The following COL26A1 variants were observed in gnomAD, a reference collection of about 807,000 sequenced individuals.
COL26A1 encodes collagen alpha-1(XXVI) chain.
Under a neutral mutation model 59.3 loss-of-function variants are expected in COL26A1, and 41 were observed. The ratio of observed to expected loss-of-function variants is 0.69; its 90% confidence interval spans 0.54 to 0.90. The LOEUF (loss-of-function observed/expected upper bound fraction) is 0.90, where lower values mean the gene tolerates loss of function less well. Among genes scored for constraint, COL26A1 ranks in the 40% least tolerant of loss-of-function variants. The pLI is 0.00. For missense variants in COL26A1, 612 were observed against 602.3 expected, an observed-to-expected ratio of 1.02 and a Z score of -0.17; for synonymous variants, 266 against 256.0, an observed-to-expected ratio of 1.04 and a Z score of -0.37.
chr7:101,371,820 C>T (rs968509117), intron 1 of COL26A1, among the ~76,000 whole-genome samples: 15 of 152,022 alleles, frequency 9.9e-5, no homozygotes, highest in African/African-American at 3.4e-4. Flanking sequence ...CAGACCCAGC[C>T]TCCGTCCTTG....
At position 101,547,205 on chromosome 7, in the gene COL26A1, T is replaced by C; in HGVS notation, c.906T>C (p.Gly302=). ...CCATCGTGGACACAGTGCTGGCAGGTGTCCCAGGACCCCGGGGTCCCCCTG... is the reference window on the plus strand; with the variant it reads ...CCATCGTGGACACAGTGCTGGCAGGCGTCCCAGGACCCCGGGGTCCCCCTG... ...ASAIVDTVLA[G]VPGPRGPPGP... is the part of the protein sequence containing the mutation. The change falls in exon 8 of 13, where the codon GGT becomes GGC. Residue 302 remains glycine, a synonymous_variant. Transcript: ENST00000313669. 6.3e-7 allele frequency: 1 copy of C among 1,583,342 alleles called. No individual in the cohort carries two copies. The highest frequency in any genetic ancestry group is 8.6e-7 in the Non-Finnish European group (1 of 1,167,600).
intron 3 of COL26A1, among the ~76,000 whole-genome samples, chr7:101,473,118 C>T (rs146344364): frequency 0.016 from 2,457 of 150,900 alleles, 63 homozygotes; most frequent in African/African-American, 0.057. Context: ...CTCACTCTGT[C>T]GCCCAGGCTG....
chr7:101,545,454 G>T lies in COL26A1; in HGVS notation c.820G>T (p.Ala274Ser). 1.2e-6 allele frequency: 2 copies of T among 1,608,212 alleles called. No individual in the cohort carries two copies. Among genetic ancestry groups the T allele is most frequent in the East Asian group, 2.3e-5 (1 of 44,404 alleles). Residue 274 changes from alanine (A) to serine (S), a missense_variant, in exon 7 of 13, where the codon GCC becomes TCC. Ala to Ser is a moderately conservative substitution (Grantham distance 99, BLOSUM62 1). Transcript: ENST00000313669. Reference protein sequence around the residue: ...PGPSPNSPQGALYSLQPPTDK... With the variant: ...PGPSPNSPQGSLYSLQPPTDK... ...CCCCTCACCAAACAGCCCCCAGGGC[G>T]CCCTCTACTCCCTGCAGCCGCCTAC... is the stretch of plus-strand genomic sequence containing the variant.
At chr7:101,398,637 A>G (rs1284429474) in intron 1 of COL26A1, among the ~76,000 whole-genome samples, 1 of 152,098 alleles carries the variant, frequency 6.6e-6, no homozygotes, top group African/African-American at 2.4e-5. Flanking sequence ...CGTGAGCCAG[A>G]CTTTGCACCA....
intron 9 of COL26A1, 74 bp from the exon 10 acceptor site, chr7:101,551,034 G>T (rs182835558): frequency 2.0e-5 from 29 of 1,450,190 alleles, no homozygotes; most frequent in African/African-American, 1.8e-4. Flanking sequence ...TGGGCGGGGA[G>T]GGGGGTGGCC....
intron 3 of COL26A1, among the ~76,000 whole-genome samples, chr7:101,462,603 C>G (rs1292770782): frequency 1.3e-5 from 2 of 152,212 alleles, no homozygotes; most frequent in African/African-American, 4.8e-5. Context: ...AGGCGTGAGC[C>G]ACCGTGCCCG....
At chr7:101,395,787 G>T (rs1257409679) in intron 1 of COL26A1, among the ~76,000 whole-genome samples, 1 of 152,152 alleles carries the variant, frequency 6.6e-6, no homozygotes, top group East Asian at 1.9e-4. Context: ...TTTAATCACC[G>T]CTGAAAACAA....
intron 3 of COL26A1, among the ~76,000 whole-genome samples, 156 bp downstream of exon 3, chr7:101,447,943 G>A (rs547979995): frequency 2.6e-5 from 4 of 152,304 alleles, no homozygotes; most frequent in African/African-American, 4.8e-5. Flanking sequence ...GTTCTGTATC[G>A]GCCTGGCCAA....
chr7:101,506,928 C>CTT (rs370429365), intron 3 of COL26A1, among the ~76,000 whole-genome samples: 31 of 149,220 alleles, frequency 2.1e-4, no homozygotes, highest in African/African-American at 5.7e-4. Flanking sequence ...AGAACCACTC[C>CTT]TTTTTTTTTT....
intron 1 of COL26A1, among the ~76,000 whole-genome samples, chr7:101,363,615 T>TGCGGGGCC (rs1790962662): frequency 7.7e-6 from 1 of 129,066 alleles, no homozygotes; most frequent in Non-Finnish European, 1.7e-5. Flanking sequence ...GCCGCGGGGC[T>TGCGGGGCC]GCGGGGCTGC....
At chr7:101,531,812 A>G (rs368967162) in intron 3 of COL26A1, among the ~76,000 whole-genome samples, 3 of 151,002 alleles carry the variant, frequency 2.0e-5, no homozygotes, top group African/African-American at 7.3e-5. Flanking sequence ...TTTCAAGGTG[A>G]TTTGCGTTCG....
intron 1 of COL26A1, among the ~76,000 whole-genome samples, chr7:101,376,196 C>T (rs983479497): frequency 9.3e-5 from 14 of 151,062 alleles, no homozygotes; most frequent in Non-Finnish European, 1.3e-4. Flanking sequence ...CTTATAGTCC[C>T]AGCTACCTGG....
At chr7:101,538,202 T>C (rs1795523606) in intron 4 of COL26A1, among the ~76,000 whole-genome samples, 1 of 152,130 alleles carries the variant, frequency 6.6e-6, no homozygotes, top group South Asian at 2.1e-4. Flanking sequence ...CTGTGGCCCG[T>C]CAGCTTCTTC....
At chr7:101,440,251 AGCTACTCAGGAGGCTG>A (rs1793020616) in intron 2 of COL26A1, among the ~76,000 whole-genome samples, 1 of 151,942 alleles carries the variant, frequency 6.6e-6, no homozygotes, top group Non-Finnish European at 1.5e-5. Flanking sequence ...CTGTAATCCC[AGCTACTCAGGAGGCTG>A]AGGCAGGAGA....
intron 2 of COL26A1, among the ~76,000 whole-genome samples, chr7:101,446,864 AGAGAG>A (rs1162297434): frequency 2.1e-4 from 30 of 140,040 alleles, no homozygotes; most frequent in Non-Finnish European, 3.3e-4. Flanking sequence ...AAAAAAAAAA[AGAGAG>A]AGAGAGAGAA....
Position 101,540,000 on chromosome 7 carries a change from C to A in COL26A1, c.555C>A (p.Ile185=), listed in dbSNP as rs1795576961. 1 of 1,613,636 alleles carries A rather than the reference C, an allele frequency of 6.2e-7. No individual in the cohort carries two copies. The highest frequency in any genetic ancestry group is 1.1e-5 in the South Asian group (1 of 91,054). Residue 185 remains isoleucine (I), a synonymous_variant, in exon 5 of 13, where the codon ATC becomes ATA. Transcript: ENST00000313669. ...TWNEDFLPDA[I]PLAHPVPRQR... The stretch of plus-strand genomic sequence containing the variant: ...ATGAGGACTTCCTCCCCGACGCCAT[C>A]CCTCTTGCTCACCCTGTGCCACGAC...
In COL26A1 at chr7:101,543,954, G is replaced by A. The variant is rs781732321; in HGVS notation, c.605-44G>A. On this transcript the variant is annotated intron_variant, in intron 5 of 12. Transcript: ENST00000313669. ...GCCAGGCCTGGAGCCACTGGAGGCT[G>A]GGGGTCCACCATGTTCTGATGCCCT... is the stretch of plus-strand genomic sequence containing the variant. 5.7e-6 allele frequency: 8 copies of A among 1,409,718 alleles called. No individual in the cohort carries two copies. The South Asian group carries it at 9.9e-5, about 18-fold the overall frequency. The allele number at this position is 1,409,718 out of a possible 1,614,324, so 87.3% of individuals were successfully genotyped here.
chr7:101,447,663 CT>C lies in COL26A1; in HGVS notation c.282-20del, dbSNP rs1158039789. On this transcript the variant is annotated intron_variant, in intron 2 of 12. Transcript: ENST00000313669. Reference sequence around the variant, plus strand: ...TGGGTGGGTGGGAGCTCATGCCCCCCTGACGCTGTCTGTGTGTTAGTTACAG... The same window carrying C: ...TGGGTGGGTGGGAGCTCATGCCCCCCGACGCTGTCTGTGTGTTAGTTACAG... The C allele has an allele frequency of 9.3e-6, 14 of 1,512,644 alleles. No homozygotes were observed. The East Asian group carries it at 1.9e-4, about 21-fold the overall frequency. The allele number at this position is 1,512,644 out of a possible 1,614,324, so 93.7% of individuals were successfully genotyped here.
At chr7:101,387,032 C>T (rs1214066685) in intron 1 of COL26A1, among the ~76,000 whole-genome samples, 2 of 152,108 alleles carry the variant, frequency 1.3e-5, no homozygotes, top group African/African-American at 2.4e-5. Flanking sequence ...CACCAGGAAA[C>T]GCGCCTGCTT....
Sources: gnomAD v4.1 joint callset for allele counts (sites outside exome capture counted in the v4.1 genomes callset) on GRCh38, gnomAD v4.1.1 for gene constraint, MANE v1.5 for transcripts, NCBI Gene and HGNC (gene_info 2026-07-23, HGNC 2026-07-21) for gene names.